The following ZFHX3 variants were observed in gnomAD, a reference collection of about 807,000 sequenced individuals.
ZFHX3 encodes zinc finger homeobox 3, also known as zinc finger homeobox protein 3.
A neutral mutation model predicts 279.1 loss-of-function variants in ZFHX3; 42 were observed. The observed-to-expected ratio is 0.15, with a 90% CI of 0.12 to 0.19. The LOEUF is 0.19. ZFHX3 is among the 10% of genes least tolerant of loss of function. The probability of loss-of-function intolerance (pLI) is 1.00; values close to 1 mark genes in which losing one functional copy is unlikely to be tolerated. For missense variants in ZFHX3, 4,981 were observed against 4,754.0 expected, an observed-to-expected ratio of 1.05 and a Z score of -1.40; for synonymous variants, 2,293 against 1,957.8, an observed-to-expected ratio of 1.17 and a Z score of -4.52.
At chr16:72,961,071 T>A (rs1961552538) in intron 1 of ZFHX3, among the ~76,000 whole-genome samples, 1 of 152,116 alleles carries the variant, frequency 6.6e-6, no homozygotes, top group Admixed American at 6.5e-5. Context: ...AGCTTGGTAT[T>A]TCCAGCAGGA....
Position 73,661,587 on chromosome 16 carries a change from T to C in ZFHX3, c.-1547+18593A>G, listed in dbSNP as rs1391402358. 5.9e-5 allele frequency among the ~76,000 whole-genome samples: 9 copies of C among 152,184 alleles called. No individual in the cohort carries two copies. In the South Asian group the frequency reaches 1.9e-3, roughly 32 times the overall value. ...AATACAAAAAATTAGTCAGGCGTGG[T>C]GGTGCATGCTTGTAATCCCAGCTAC... On this transcript the variant is annotated intron_variant, in intron 2 of 17. Coordinates refer to the ZFHX3 transcript ENST00000641206.
chr16:73,505,493 A>G (rs532118234), intron 2 of ZFHX3, among the ~76,000 whole-genome samples: 9 of 152,130 alleles, frequency 5.9e-5, no homozygotes, highest in African/African-American at 2.2e-4. Flanking sequence ...TTCCTAAGAA[A>G]CCTGTCCGTT....
chr16:73,664,946 TAGTC>T (rs1482807385), intron 2 of ZFHX3, among the ~76,000 whole-genome samples: 3 of 152,208 alleles, frequency 2.0e-5, no homozygotes, highest in Non-Finnish European at 2.9e-5. Context: ...GGGATAAACA[TAGTC>T]AGCAGCACAG....
At chr16:72,866,131 C>T (rs1047123533) in intron 4 of ZFHX3, among the ~76,000 whole-genome samples, 2 of 152,176 alleles carry the variant, frequency 1.3e-5, no homozygotes, top group Non-Finnish European at 2.9e-5. Context: ...TCTGGCAGGG[C>T]TCTGTCCTAA....
At chr16:73,118,227 T>C (rs539578262) in intron 7 of ZFHX3, among the ~76,000 whole-genome samples, 7 of 152,192 alleles carry the variant, frequency 4.6e-5, no homozygotes, top group Non-Finnish European at 1.0e-4. Flanking sequence ...TTTGTTGTTG[T>C]TGAGACAGTC....
At position 73,325,927 on chromosome 16, in the gene ZFHX3, AAACACACACAC is replaced by A. The variant is rs1567451239; in HGVS notation, c.-1290-7602_-1290-7592del. Among the ~76,000 whole-genome samples the A allele has an allele frequency of 9.3e-5, 13 of 139,256 alleles. No homozygotes were observed. The South Asian group carries it at 2.9e-3, about 31-fold the overall frequency. 91.4% of individuals were successfully genotyped at this position (139,256 alleles called of 152,430 possible). A position where few individuals can be genotyped will look rare whatever the true frequency, so the allele number is the denominator to read the frequency against. Reference sequence around the variant, plus strand: ...AACACACACACACACACACACACACAAACACACACACACACACACACACAGGGGAGAGTATA... The same window carrying A: ...AACACACACACACACACACACACACAACACACACACACAGGGGAGAGTATA... On this transcript the variant is annotated intron_variant, in intron 3 of 17. Transcript: ENST00000641206.
chr16:73,746,059 T>A lies in ZFHX3; in HGVS notation c.-1607-65819A>T, dbSNP rs535066107. Among the ~76,000 whole-genome samples, 198 of 152,270 alleles carry A rather than the reference T, an allele frequency of 1.3e-3. 2 individuals are homozygous for A. The Middle Eastern group carries it at 0.068, about 52-fold the overall frequency. On this transcript the variant is annotated intron_variant, in intron 1 of 17. Transcript: ENST00000641206. ...CCCTCTATTTATTTTTTTATTTTTT[T>A]ATTTTTTTAAGTACAGGTGGGAGAA... is the stretch of plus-strand genomic sequence containing the variant.
At chr16:73,081,297 G>C (rs1482432424) in intron 8 of ZFHX3, 1 of 150,806 alleles carries the variant, frequency 6.6e-6, no homozygotes, top group Non-Finnish European at 1.5e-5. Flanking sequence ...TTGTTGCCTA[G>C]GCTGGAGTGC....
chr16:73,642,511 G>A lies in ZFHX3; in HGVS notation c.-1547+37669C>T, dbSNP rs78565716. Among the ~76,000 whole-genome samples the A allele has an allele frequency of 6.1e-3, 931 of 152,192 alleles. 11 individuals are homozygous for A. Among genetic ancestry groups the A allele is most frequent in the African/African-American group, 0.021 (876 of 41,516 alleles). ...TCAATACATAAAGCAATTTGATCACGCATATATTCAAAGATAAACAGCTCT... is the reference window on the plus strand; with the variant it reads ...TCAATACATAAAGCAATTTGATCACACATATATTCAAAGATAAACAGCTCT... On this transcript the variant is annotated intron_variant, in intron 2 of 17. Coordinates refer to the ZFHX3 transcript ENST00000641206.
chr16:73,590,018 G>A (rs1362920232), intron 2 of ZFHX3, among the ~76,000 whole-genome samples: 2 of 152,088 alleles, frequency 1.3e-5, no homozygotes, highest in African/African-American at 4.8e-5. Context: ...TATTGGTGGT[G>A]GTAGTGTTAG....
At chr16:73,746,023 G>A (rs1353685939) in intron 1 of ZFHX3, among the ~76,000 whole-genome samples, 4 of 151,878 alleles carry the variant, frequency 2.6e-5, no homozygotes, top group African/African-American at 9.7e-5. Context: ...CAACCTATTC[G>A]ATTTCAAATT....
chr16:73,371,446 G>A (rs1406167394), intron 3 of ZFHX3, among the ~76,000 whole-genome samples: 9 of 151,382 alleles, frequency 5.9e-5, no homozygotes, highest in Admixed American at 2.6e-4. Flanking sequence ...GTGCAGTGGC[G>A]CCAACTCGGC....
At chr16:73,105,430 TATAC>T (rs747587332) in intron 7 of ZFHX3, among the ~76,000 whole-genome samples, 5,694 of 107,220 alleles carry the variant, frequency 0.053, 331 homozygotes, top group African/African-American at 0.12. Context: ...TATATATATA[TATAC>T]ACACACACAC....
intron 4 of ZFHX3, among the ~76,000 whole-genome samples, chr16:73,294,946 A>G (rs2014872573): frequency 6.7e-6 from 1 of 149,050 alleles, no homozygotes; most frequent in Non-Finnish European, 1.5e-5. Flanking sequence ...GGGCGCGGTG[A>G]CTCACGCCTG....
intron 1 of ZFHX3, among the ~76,000 whole-genome samples, chr16:72,995,856 T>C (rs1215411035): frequency 3.9e-5 from 6 of 152,170 alleles, no homozygotes; most frequent in Admixed American, 1.3e-4. Context: ...CAGCGCCAAT[T>C]GAAAACACAA....
intron 1 of ZFHX3, among the ~76,000 whole-genome samples, chr16:72,977,528 T>C (rs1962400958): frequency 6.6e-6 from 1 of 152,128 alleles, no homozygotes; most frequent in Non-Finnish European, 1.5e-5. Context: ...TAGAAGTCTA[T>C]GTACAACCTG....
intron 2 of ZFHX3, among the ~76,000 whole-genome samples, chr16:73,509,939 A>G (rs1394945506): frequency 1.3e-5 from 2 of 152,142 alleles, no homozygotes; most frequent in African/African-American, 2.4e-5. Context: ...CAGGTGATCC[A>G]CCTGTCTCAG....
At chr16:73,483,267 T>C (rs2018903877) in intron 2 of ZFHX3, 1 of 402,660 alleles carries the variant, frequency 2.5e-6, no homozygotes, top group Non-Finnish European at 4.8e-6. Context: ...CCAGGACAAA[T>C]GCGTACGCAT....
intron 1 of ZFHX3, among the ~76,000 whole-genome samples, chr16:73,010,534 G>C (rs1033737985): frequency 3.9e-5 from 6 of 152,306 alleles, no homozygotes; most frequent in Admixed American, 1.3e-4. Context: ...CATTATCAGA[G>C]AGCCCGGCAC....
Sources: gnomAD v4.1 joint callset for allele counts (sites outside exome capture counted in the v4.1 genomes callset) on GRCh38, gnomAD v4.1.1 for gene constraint, MANE v1.5 for transcripts, NCBI Gene and HGNC (gene_info 2026-07-23, HGNC 2026-07-21) for gene names.